Variants in ACAD10 observed in about 807,000 individuals in gnomAD.
ACAD10 encodes the protein acyl-CoA dehydrogenase family member 10.
A neutral mutation model predicts 116.8 loss-of-function variants in ACAD10; 112 were observed. That is an observed-to-expected ratio of 0.96 (90% confidence interval 0.82 to 1.12). The LOEUF is 1.12. ACAD10 is among the 50% of genes most tolerant of loss of function. The pLI is 0.00. For synonymous variants in ACAD10, 486 were observed against 510.6 expected (o/e 0.95, Z 0.65); for missense variants, 1,259 against 1,350.2 (o/e 0.93, Z 1.06).
chr12:111,687,867 CTT>C (rs766910800), intron 1 of ACAD10, among the ~76,000 whole-genome samples: 5 of 144,614 alleles, frequency 3.5e-5, no homozygotes, highest in Admixed American at 7.0e-5. Flanking sequence ...CCAAACAAAC[CTT>C]TTTTTTTTTT....
At chr12:111,714,488 A>C (rs1348958363) in intron 6 of ACAD10, among the ~76,000 whole-genome samples, 2 of 151,040 alleles carry the variant, frequency 1.3e-5, no homozygotes, top group African/African-American at 4.9e-5. Flanking sequence ...AACATGGCGA[A>C]ACTCCATCTC....
At position 111,753,912 on chromosome 12, in the gene ACAD10, CA is replaced by C. The variant is rs1412301461; in HGVS notation, c.2960del (p.Lys987ArgfsTer7). 1 of 1,603,970 alleles carries C rather than the reference CA, an allele frequency of 6.2e-7. No individual in the cohort carries two copies. Among genetic ancestry groups the C allele is most frequent in the Non-Finnish European group, 8.5e-7 (1 of 1,173,438 alleles). On this transcript the variant is annotated frameshift_variant and splice_region_variant, in exon 19 of 21. Coordinates refer to ENST00000313698, the MANE Select transcript of ACAD10 (RefSeq NM_025247.6). LOFTEE classifies it high-confidence loss of function. ...AAHLMDLAGN[K>X]AAALDIAMIK... Reference sequence around the variant, plus strand: ...CCCACCTCATGGACCTGGCAGGAAACAAGGTAGGGGCAGGGGCACGAGGGGG... The same window carrying C: ...CCCACCTCATGGACCTGGCAGGAAACAGGTAGGGGCAGGGGCACGAGGGGG...
rs1346778556 is a variant in ACAD10, at chr12:111,709,261, T to C, written c.532-265T>C. On this transcript the variant is annotated intron_variant, in intron 4 of 20. Transcript: ENST00000313698. ...TATTGATGATGGCACTGAGGCCCAT[T>C]ATGGCTTTGCTCGTTTGCACAGGGT... 2.0e-5 allele frequency among the ~76,000 whole-genome samples: 3 copies of C among 152,194 alleles called. No individual in the cohort carries two copies. In the South Asian group the frequency reaches 6.2e-4, roughly 32 times the overall value.
intron 1 of ACAD10, 28 bp from the exon 2 acceptor site, chr12:111,692,669 T>C: frequency 2.5e-6 from 4 of 1,592,444 alleles, no homozygotes; most frequent in Middle Eastern, 2.2e-4. Context: ...TGCAGGCAAG[T>C]AACGCCCTGT....
At chr12:111,724,708 C>G (rs1166756008) in intron 8 of ACAD10, among the ~76,000 whole-genome samples, 1 of 149,042 alleles carries the variant, frequency 6.7e-6, no homozygotes. Flanking sequence ...GCAGGAGAAT[C>G]AGGCAGGGAG....
At chr12:111,695,746 G>A (rs1443075050) in intron 2 of ACAD10, among the ~76,000 whole-genome samples, 1 of 152,102 alleles carries the variant, frequency 6.6e-6, no homozygotes, top group Non-Finnish European at 1.5e-5. Context: ...AGGTGCGGTG[G>A]CTCATGCCTT....
chr12:111,756,944 C>A lies in ACAD10; in HGVS notation c.*471C>A, dbSNP rs111761557. The stretch of plus-strand genomic sequence containing the variant: ...CGGGCGGTGGCCTAGAGACCCAGGA[C>A]CTGGGCGCCTGGGAAAATGGAATGC... On this transcript the variant is annotated 3_prime_UTR_variant, in exon 21 of 21. Coordinates refer to ENST00000313698, the MANE Select transcript of ACAD10 (RefSeq NM_025247.6). The A allele has an allele frequency of 2.2e-6, 1 of 447,582 alleles. No homozygotes were observed. 27.7% of individuals were successfully genotyped at this position (447,582 alleles called of 1,614,324 possible).
chr12:111,723,609 T>A, intron 8 of ACAD10, among the ~76,000 whole-genome samples: 2 of 103,912 alleles, frequency 1.9e-5, no homozygotes, highest in South Asian at 7.1e-4. Context: ...CCCCCCCACC[T>A]CCCTCCCGGA....
intron 1 of ACAD10, among the ~76,000 whole-genome samples, chr12:111,687,081 ACAAT>A (rs1257997908): frequency 6.6e-6 from 1 of 152,204 alleles, no homozygotes; most frequent in East Asian, 1.9e-4. Context: ...AGATACTGAC[ACAAT>A]CAATGCATAT....
chr12:111,748,319 A>G lies in ACAD10; in HGVS notation c.2488A>G (p.Ile830Val). 4 of 1,614,068 alleles carry G rather than the reference A, an allele frequency of 2.5e-6. No homozygotes were observed. In the South Asian group the frequency reaches 3.3e-5, roughly 13 times the overall value. Residue 830 changes from isoleucine to valine, a missense_variant and splice_region_variant, in exon 17 of 21, where the codon ATC becomes GTC. Coordinates refer to ENST00000313698, the MANE Select transcript of ACAD10 (RefSeq NM_025247.6). The stretch of plus-strand genomic sequence containing the variant: ...CTGTCTCTCTCCTTTCCTGGCAGGC[A>G]TCCTGGATCCTCGTTGCCAACTCTG... ...INGHKWWITG[I>V]LDPRCQLCVF...
rs35268951 is a variant in ACAD10 at position 111,736,185 on chromosome 12, G to GTT, written c.1541-628_1541-627dup. Among the ~76,000 whole-genome samples the GTT allele has an allele frequency of 2.2e-3, 219 of 97,724 alleles. 3 individuals carry two copies. Among genetic ancestry groups the GTT allele is most frequent in the South Asian group, 0.011 (31 of 2,844 alleles). The allele number at this position is 97,724 out of a possible 152,430, so 64.1% of individuals were successfully genotyped here. A position where few individuals can be genotyped will look rare whatever the true frequency, so the allele number is the denominator to read the frequency against. ...CATGAGCCACTGCACCCAGCCAATT[G>GTT]TTTTTTTTTTTTTTTTTTTGAGATG... On this transcript the variant is annotated intron_variant, in intron 11 of 20. Coordinates refer to ENST00000313698, the MANE Select transcript of ACAD10 (RefSeq NM_025247.6).
In ACAD10 at chr12:111,748,298, C is replaced by G. The variant is rs1249116121; in HGVS notation, c.2486-19C>G. The G allele has an allele frequency of 1.9e-6, 3 of 1,613,684 alleles. No individual in the cohort carries two copies. Among genetic ancestry groups the G allele is most frequent in the East Asian group, 2.2e-5 (1 of 44,882 alleles). On this transcript the variant is annotated intron_variant, in intron 16 of 20. Coordinates refer to ENST00000313698, the MANE Select transcript of ACAD10 (RefSeq NM_025247.6). ...CCTGGTGTCAGATGATGGGGTCTGTCTCTCTCCTTTCCTGGCAGGCATCCT... is the reference window on the plus strand; with the variant it reads ...CCTGGTGTCAGATGATGGGGTCTGTGTCTCTCCTTTCCTGGCAGGCATCCT...
At chr12:111,700,547 C>T (rs1414332384) in intron 2 of ACAD10, among the ~76,000 whole-genome samples, 5 of 151,950 alleles carry the variant, frequency 3.3e-5, no homozygotes, top group East Asian at 1.9e-4. Flanking sequence ...ATGATGGTGC[C>T]GGTTTCCTCA....
intron 6 of ACAD10, among the ~76,000 whole-genome samples, chr12:111,714,698 T>G (rs1217063141): frequency 6.6e-6 from 1 of 151,240 alleles, no homozygotes; most frequent in Non-Finnish European, 1.5e-5. Context: ...ACTTACAAAA[T>G]TTTTTAAATT....
chr12:111,749,435 G>A, intron 18 of ACAD10, 90 bp downstream of exon 18: 1 of 1,471,868 alleles, frequency 6.8e-7, no homozygotes, highest in Non-Finnish European at 9.1e-7. Flanking sequence ...TTTTCTGAGT[G>A]CAGTCCTAGC....
chr12:111,709,721 C>T, intron 5 of ACAD10, 37 bp downstream of exon 5: 1 of 1,561,634 alleles, frequency 6.4e-7, no homozygotes, highest in Non-Finnish European at 8.7e-7. Context: ...CTCCCATGCA[C>T]CAGCCACTAA....
intron 19 of ACAD10, among the ~76,000 whole-genome samples, chr12:111,755,049 G>A (rs114661318): frequency 1.3e-5 from 2 of 152,246 alleles, no homozygotes; most frequent in South Asian, 2.1e-4. Context: ...TTCTTGCTGG[G>A]AATCTGATCA....
chr12:111,722,353 C>T (rs949153487), intron 8 of ACAD10, among the ~76,000 whole-genome samples: 28 of 151,166 alleles, frequency 1.9e-4, no homozygotes, highest in African/African-American at 6.4e-4. Flanking sequence ...TGTAAGCCAC[C>T]GTGCCCGGCC....
intron 12 of ACAD10, 56 bp from the exon 13 acceptor site, chr12:111,744,587 C>A: frequency 6.4e-7 from 1 of 1,554,670 alleles, no homozygotes; most frequent in Non-Finnish European, 8.7e-7. Flanking sequence ...CACATGTTAA[C>A]ATCCCTATGA....
Sources: gnomAD v4.1 joint callset for allele counts (sites outside exome capture counted in the v4.1 genomes callset) on GRCh38, gnomAD v4.1.1 for gene constraint, MANE v1.5 for transcripts, NCBI Gene and HGNC (gene_info 2026-07-23, HGNC 2026-07-21) for gene names.